The following EIF4B variants were observed in gnomAD, a reference collection of about 807,000 sequenced individuals.
EIF4B encodes eukaryotic translation initiation factor 4B.
Under a neutral mutation model 79.3 loss-of-function variants are expected in EIF4B, and 8 were observed. The ratio of observed to expected loss-of-function variants is 0.10; its 90% CI spans 0.06 to 0.18. The LOEUF (loss-of-function observed/expected upper bound fraction) is 0.18. Among genes scored for constraint, EIF4B ranks in the 10% least tolerant of loss-of-function variants. The pLI is 1.00. For missense variants in EIF4B, 515 were observed against 792.4 expected (o/e 0.65, Z 4.20); for synonymous variants, 238 against 274.7 (o/e 0.87, Z 1.32).
At chr12:53,023,112 C>T (rs1943274734) in intron 6 of EIF4B, among the ~76,000 whole-genome samples, 1 of 151,678 alleles carries the variant, frequency 6.6e-6, no homozygotes, top group African/African-American at 2.4e-5. Flanking sequence ...GGTGACAGAG[C>T]GAGACCCTGT....
chr12:53,034,956 C>CTTTTTTTTTTTTTTTTT (rs72498436), intron 10 of EIF4B, among the ~76,000 whole-genome samples: 1 of 90,156 alleles, frequency 1.1e-5, no homozygotes. Flanking sequence ...TTGTCTCTCT[C>CTTTTTTTTTTTTTTTTT]TTTTTTTTTT....
chr12:53,016,749 A>G (rs1053561216), intron 2 of EIF4B, 139 bp downstream of exon 2: 5 of 1,277,052 alleles, frequency 3.9e-6, no homozygotes, highest in South Asian at 3.4e-5. Flanking sequence ...ATTTTATAGA[A>G]TCTAAGGTTT....
intron 2 of EIF4B, 114 bp from the exon 3 acceptor site, chr12:53,018,684 C>A: frequency 8.2e-7 from 1 of 1,223,588 alleles, no homozygotes; most frequent in Non-Finnish European, 1.2e-6. Flanking sequence ...TTTTTTTGGT[C>A]TGGTTTTCTT....
intron 8 of EIF4B, among the ~76,000 whole-genome samples, chr12:53,030,491 G>A (rs1401876263): frequency 7.8e-6 from 1 of 127,872 alleles, no homozygotes; most frequent in African/African-American, 2.9e-5. Context: ...GCGCGATCTC[G>A]GCTCACTGCA....
At chr12:53,020,449 C>A (rs897859011) in intron 4 of EIF4B, among the ~76,000 whole-genome samples, 4 of 152,094 alleles carry the variant, frequency 2.6e-5, no homozygotes, top group African/African-American at 9.7e-5. Flanking sequence ...TATATTTGTT[C>A]ATTTAAGAGG....
At chr12:53,025,217 T>C (rs1365385746) in intron 6 of EIF4B, 1 of 455,964 alleles carries the variant, frequency 2.2e-6, no homozygotes, top group South Asian at 1.5e-5. Flanking sequence ...AGAGATTCTA[T>C]TGTTAACAGG....
At chr12:53,027,746 G>A (rs1565589498) in intron 6 of EIF4B, 36 bp from the exon 7 acceptor site, 6 of 1,596,468 alleles carry the variant, frequency 3.8e-6, no homozygotes, top group Non-Finnish European at 5.1e-6. Flanking sequence ...TGGTGTCAGA[G>A]AAAAGGGGAT....
chr12:53,039,505 C>T, intron 13 of EIF4B, 125 bp from the exon 14 acceptor site: 1 of 1,290,190 alleles, frequency 7.8e-7, no homozygotes, highest in Non-Finnish European at 1.1e-6. Flanking sequence ...AGTAATACAT[C>T]ATCCAGACAA....
At chr12:53,033,444 G>A (rs1943483881) in intron 8 of EIF4B, among the ~76,000 whole-genome samples, 1 of 151,652 alleles carries the variant, frequency 6.6e-6, no homozygotes, top group Non-Finnish European at 1.5e-5. Context: ...CCAGGTTCAA[G>A]CAATTCTCTT....
intron 9 of EIF4B, 72 bp downstream of exon 9, chr12:53,034,106 C>A: frequency 6.9e-7 from 1 of 1,446,334 alleles, no homozygotes. Context: ...TCCCCAGGGG[C>A]ATTTGGGAAA....
intron 1 of EIF4B, among the ~76,000 whole-genome samples, chr12:53,012,839 C>G (rs1943088318): frequency 6.6e-6 from 1 of 152,010 alleles, no homozygotes; most frequent in African/African-American, 2.4e-5. Context: ...ATCTCCTGAC[C>G]TCGTGATCCA....
Position 53,016,494 on chromosome 12 carries a change from G to A in EIF4B, c.35G>A (p.Gly12Glu). 6.2e-7 allele frequency: 1 copy of A among 1,612,552 alleles called. No individual in the cohort carries two copies. The highest frequency in any genetic ancestry group is 1.3e-5 in the African/African-American group (1 of 74,990). The change falls in exon 2 of 15, where the codon GGG becomes GAG. Residue 12 changes from glycine to glutamate, a missense_variant. By Grantham distance (98) the Gly-to-Glu change is moderately conservative (BLOSUM62 -2). Around this residue, in one of 6 missense-constraint regions of EIF4B, gnomAD observed 105 missense variants for 177.2 expected, o/e 0.59. Coordinates refer to ENST00000262056, the MANE Select transcript of EIF4B (RefSeq NM_001417.7). ...ACAGCAAAAAAGAAGAATAAGAAGG[G>A]GAAGACTATCTCCCTAACAGACTTT... Reference protein sequence around the residue: ...AASAKKKNKKGKTISLTDFLA... With the variant: ...AASAKKKNKKEKTISLTDFLA...
Position 53,033,812 on chromosome 12 carries a change from C to A in EIF4B, c.986C>A (p.Pro329His), listed in dbSNP as rs759888555. The A allele has an allele frequency of 7.6e-6, 12 of 1,588,726 alleles. No homozygotes were observed. The highest frequency in any genetic ancestry group is 1.8e-5 in the Admixed American group (1 of 54,640). Reference sequence around the variant, plus strand: ...AAAGTTTCATTTAACTTAGGTCCCCCCCAAAGACCCAAACTGAATCTAAAG... The same window carrying A: ...AAAGTTTCATTTAACTTAGGTCCCCACCAAAGACCCAAACTGAATCTAAAG... ...DDYRRDDRGP[P>H]QRPKLNLKPR... The change falls in exon 9 of 15, where the codon CCC becomes CAC. Residue 329 changes from proline to histidine, a missense_variant. Physicochemically the swap from Pro to His is moderately conservative, Grantham distance 77 (BLOSUM62 -2). Around this residue, in one of 6 missense-constraint regions of EIF4B, gnomAD observed 187 missense variants for 256.5 expected, o/e 0.73. Coordinates refer to ENST00000262056, the MANE Select transcript of EIF4B (RefSeq NM_001417.7).
At chr12:53,012,809 T>C (rs914759112) in intron 1 of EIF4B, among the ~76,000 whole-genome samples, 3 of 151,778 alleles carry the variant, frequency 2.0e-5, no homozygotes, top group Non-Finnish European at 2.9e-5. Context: ...GGTTTCACCA[T>C]GTTAGCCAGG....
At chr12:53,006,527 TG>T in intron 1 of EIF4B, 31 bp downstream of exon 1, 1 of 1,613,470 alleles carries the variant, frequency 6.2e-7, no homozygotes, top group Non-Finnish European at 8.5e-7. Flanking sequence ...GGCCAAGGAC[TG>T]GGCTCTGAAA....
chr12:53,019,791 A>G, intron 3 of EIF4B, 119 bp from the exon 4 acceptor site: 1 of 868,894 alleles, frequency 1.2e-6, no homozygotes, highest in Non-Finnish European at 1.8e-6. Flanking sequence ...TGAGACAACC[A>G]TGTTCTTGTG....
chr12:53,022,142 G>C, intron 5 of EIF4B: 1 of 656,752 alleles, frequency 1.5e-6, no homozygotes, highest in South Asian at 1.7e-5. Flanking sequence ...CAAAATGCAT[G>C]TCAAGATTGA....
At chr12:53,030,413 C>CTTTTTTTTTTTTTTTTGTTTTTT (rs1943416420) in intron 8 of EIF4B, among the ~76,000 whole-genome samples, 1 of 43,068 alleles carries the variant, frequency 2.3e-5, no homozygotes, top group East Asian at 9.6e-4. Flanking sequence ...AAATTATATT[C>CTTTTTTTTTTTTTTTTGTTTTTT]TTTTTTTTTT....
At chr12:53,028,215 A>T in intron 8 of EIF4B, 27 bp downstream of exon 8, 1 of 1,541,952 alleles carries the variant, frequency 6.5e-7, no homozygotes, top group Non-Finnish European at 8.7e-7. Flanking sequence ...TACGTACTTC[A>T]TGGAGCAGAA....
Sources: allele counts gnomAD v4.1 joint callset (sites outside exome capture counted in the v4.1 genomes callset), GRCh38; gene constraint gnomAD v4.1.1; regional missense constraint gnomAD v4.1.1; transcripts MANE v1.5; gene names NCBI Gene and HGNC (gene_info 2026-07-23, HGNC 2026-07-21).